Variants in PRP4K observed in about 807,000 individuals in gnomAD.
PRP4K encodes pre-mRNA processing factor kinase PRP4K, also known as serine/threonine-protein kinase PRP4 homolog.
chr6:4,050,801 A>T, the PRP4K span, among the ~76,000 whole-genome samples: 2 of 152,254 alleles, frequency 1.3e-5, no homozygotes, highest in African/African-American at 4.8e-5. Context: ...TTACTATAAA[A>T]TGTAGCTTAT....
the PRP4K span, among the ~76,000 whole-genome samples, chr6:4,058,073 A>G: frequency 7.2e-5 from 11 of 152,114 alleles, no homozygotes; most frequent in East Asian, 3.9e-4. Context: ...GAGTACAGTT[A>G]TAGCTCACTG....
At chr6:4,040,425 G>A in the PRP4K span, among the ~76,000 whole-genome samples, 1 of 152,110 alleles carries the variant, frequency 6.6e-6, no homozygotes, top group Non-Finnish European at 1.5e-5. Flanking sequence ...CCGTGGTGCT[G>A]TACGAATACA....
At chr6:4,038,282 G>GTTTTATTTTA in the PRP4K span, among the ~76,000 whole-genome samples, 19 of 151,810 alleles carry the variant, frequency 1.3e-4, no homozygotes, top group African/African-American at 4.4e-4. Context: ...TCAATGAGGG[G>GTTTTATTTTA]TTTTATTTTA....
chr6:4,052,587 T>G, the PRP4K span: 1 of 637,114 alleles, frequency 1.6e-6, no homozygotes, highest in Non-Finnish European at 2.6e-6. Flanking sequence ...TTATCAAATG[T>G]GGGGGTGGTT....
chr6:4,059,864 C>CG, the PRP4K span, among the ~76,000 whole-genome samples: 1 of 152,116 alleles, frequency 6.6e-6, no homozygotes, highest in Non-Finnish European at 1.5e-5. Context: ...AGGCTGGTCT[C>CG]GAATTCCTGA....
chr6:4,047,235 C>T, the PRP4K span: 1 of 1,611,146 alleles, frequency 6.2e-7, no homozygotes, highest in South Asian at 1.1e-5. Context: ...GATATGTTTG[C>T]TGCGTATTTT....
At chr6:4,058,259 G>A in the PRP4K span, among the ~76,000 whole-genome samples, 1 of 152,108 alleles carries the variant, frequency 6.6e-6, no homozygotes, top group Admixed American at 6.5e-5. Context: ...AATTCTATTA[G>A]GTTGGACTTT....
chr6:4,021,803 G>A, the PRP4K span, among the ~76,000 whole-genome samples: 1 of 152,196 alleles, frequency 6.6e-6, no homozygotes, highest in African/African-American at 2.4e-5. Flanking sequence ...ACCCATCTGA[G>A]CTCCCTGGCC....
At chr6:4,047,189 A>T in the PRP4K span, 10 of 1,610,916 alleles carry the variant, frequency 6.2e-6, no homozygotes, top group African/African-American at 2.7e-5. Context: ...ATCTCAGAAG[A>T]AGTTGTTGGC....
At chr6:4,039,375 G>A in the PRP4K span, among the ~76,000 whole-genome samples, 2 of 152,204 alleles carry the variant, frequency 1.3e-5, no homozygotes, top group Admixed American at 6.5e-5. Context: ...CTGGCTACCA[G>A]TAGAGTTCTC....
chr6:4,027,259 A>G, the PRP4K span, among the ~76,000 whole-genome samples: 2 of 152,116 alleles, frequency 1.3e-5, no homozygotes, highest in Non-Finnish European at 2.9e-5. Flanking sequence ...AAAATTCTCA[A>G]CTCAAATGGA....
At chr6:4,049,904 C>G in the PRP4K span, 6 of 1,611,768 alleles carry the variant, frequency 3.7e-6, no homozygotes, top group Non-Finnish European at 5.1e-6. Context: ...CGTGAGGAAA[C>G]CTTTAACAGT....
the PRP4K span, among the ~76,000 whole-genome samples, chr6:4,027,861 T>C: frequency 1.3e-5 from 2 of 152,142 alleles, no homozygotes; most frequent in Admixed American, 6.5e-5. Flanking sequence ...GAGTTAAAAC[T>C]CAAAACTTTA....
At chr6:4,040,337 A>G in the PRP4K span, among the ~76,000 whole-genome samples, 6 of 152,226 alleles carry the variant, frequency 3.9e-5, no homozygotes, top group Admixed American at 3.9e-4. Flanking sequence ...CACTCAAGTT[A>G]GAGAACGTTT....
chr6:4,037,513 G>T, the PRP4K span: 2 of 1,614,020 alleles, frequency 1.2e-6, no homozygotes, highest in Non-Finnish European at 1.7e-6. Context: ...AGGAGGTCTC[G>T]TTCCCCACTC....
the PRP4K span, among the ~76,000 whole-genome samples, chr6:4,035,330 A>T: frequency 1.0e-5 from 1 of 100,292 alleles, no homozygotes; most frequent in Non-Finnish European, 1.9e-5. Flanking sequence ...TATTTTTAGC[A>T]GAGATGAGGT....
At chr6:4,021,463 C>A in the PRP4K span, 2 of 1,583,348 alleles carry the variant, frequency 1.3e-6, no homozygotes, top group Non-Finnish European at 1.7e-6. Flanking sequence ...CGGGAGCAGC[C>A]AGAGTAAGTA....
the PRP4K span, among the ~76,000 whole-genome samples, chr6:4,022,516 C>T: frequency 6.6e-6 from 1 of 150,784 alleles, no homozygotes; most frequent in Non-Finnish European, 1.5e-5. Context: ...CTGTTTCCAG[C>T]CATCTTAGAA....
the PRP4K span, among the ~76,000 whole-genome samples, chr6:4,038,465 T>C: frequency 6.6e-6 from 1 of 151,542 alleles, no homozygotes; most frequent in African/African-American, 2.4e-5. Context: ...TTTTTTTGTA[T>C]TTTTCTAAAT....
Sources: allele counts gnomAD v4.1 joint callset (sites outside exome capture counted in the v4.1 genomes callset), GRCh38; gene constraint gnomAD v4.1.1; transcripts MANE v1.5; gene names NCBI Gene and HGNC (gene_info 2026-07-23, HGNC 2026-07-21).